KCNH1: variants seen among roughly 807,000 people sequenced by gnomAD.
KCNH1 encodes voltage-gated delayed rectifier potassium channel KCNH1.
A neutral mutation model predicts 69.2 loss-of-function variants in KCNH1; 27 were observed. The ratio of observed to expected loss-of-function variants is 0.39; its 90% confidence interval spans 0.29 to 0.54. KCNH1 has a LOEUF of 0.54. Ranked by LOEUF, KCNH1 falls within the 20% of genes least tolerant of loss-of-function variation. KCNH1 has a pLI of 0.68. For missense variants in KCNH1, 798 were observed against 1,261.6 expected, an observed-to-expected ratio of 0.63 and a Z score of 5.57; for synonymous variants, 456 against 487.7, an observed-to-expected ratio of 0.93 and a Z score of 0.86.
At chr1:210,840,884 A>T (rs532829189) in intron 7 of KCNH1, among the ~76,000 whole-genome samples, 1 of 152,328 alleles carries the variant, frequency 6.6e-6, no homozygotes, top group Non-Finnish European at 1.5e-5. Flanking sequence ...TATAGTTTAC[A>T]CTGTTGGTGA....
At chr1:210,892,282 C>T (rs964447089) in intron 7 of KCNH1, among the ~76,000 whole-genome samples, 1 of 151,904 alleles carries the variant, frequency 6.6e-6, no homozygotes, top group African/African-American at 2.4e-5. Flanking sequence ...GCCTGAAACT[C>T]ATTTCTAAAA....
At chr1:211,075,081 C>T (rs934668661) in intron 5 of KCNH1, among the ~76,000 whole-genome samples, 4 of 152,062 alleles carry the variant, frequency 2.6e-5, no homozygotes, top group Non-Finnish European at 5.9e-5. Context: ...CCAGTGTAGC[C>T]GAATAAGAGT....
intron 6 of KCNH1, among the ~76,000 whole-genome samples, chr1:210,940,870 G>A (rs766299658): frequency 2.6e-5 from 4 of 152,324 alleles, no homozygotes; most frequent in African/African-American, 7.2e-5. Flanking sequence ...ATTGAAGGAA[G>A]CAATACAATC....
intron 6 of KCNH1, among the ~76,000 whole-genome samples, chr1:211,010,174 T>C (rs531531482): frequency 1.3e-5 from 2 of 151,936 alleles, no homozygotes; most frequent in South Asian, 4.2e-4. Flanking sequence ...AGAGTCCAAG[T>C]GGAGAGGAGT....
At chr1:210,696,174 C>T (rs1376895201) in intron 10 of KCNH1, among the ~76,000 whole-genome samples, 1 of 152,208 alleles carries the variant, frequency 6.6e-6, no homozygotes, top group African/African-American at 2.4e-5. Context: ...GGAGTAGCTA[C>T]ACGTGCCTCT....
chr1:210,958,369 A>T (rs778835990), intron 6 of KCNH1, among the ~76,000 whole-genome samples: 3 of 152,116 alleles, frequency 2.0e-5, no homozygotes, highest in Non-Finnish European at 4.4e-5. Flanking sequence ...ACGTTGGTGA[A>T]TCTGACAATT....
chr1:210,999,203 C>CA (rs1159232109), intron 6 of KCNH1, among the ~76,000 whole-genome samples: 6 of 152,028 alleles, frequency 3.9e-5, no homozygotes, highest in East Asian at 1.9e-4. Flanking sequence ...AAAAACCCTT[C>CA]AAAAAATCAA....
intron 10 of KCNH1, among the ~76,000 whole-genome samples, chr1:210,697,636 T>G (rs1415820020): frequency 1.3e-5 from 2 of 152,276 alleles, no homozygotes; most frequent in African/African-American, 4.8e-5. Flanking sequence ...CCTGGCAGAC[T>G]GTACACTCAT....
intron 10 of KCNH1, among the ~76,000 whole-genome samples, chr1:210,760,900 G>A (rs925355752): frequency 1.3e-5 from 2 of 152,142 alleles, no homozygotes; most frequent in Admixed American, 6.5e-5. Context: ...GGGAATTCAC[G>A]ATGAGATTTG....
At chr1:210,840,644 G>A (rs914341996) in intron 7 of KCNH1, among the ~76,000 whole-genome samples, 12 of 152,168 alleles carry the variant, frequency 7.9e-5, no homozygotes, top group African/African-American at 1.4e-4. Flanking sequence ...TCTGCAAAGC[G>A]GGGTTGCAAA....
At chr1:211,116,304 A>T (rs1399009571) in intron 1 of KCNH1, among the ~76,000 whole-genome samples, 1 of 152,196 alleles carries the variant, frequency 6.6e-6, no homozygotes, top group African/African-American at 2.4e-5. Context: ...AACTACCACA[A>T]ACACCAAAGC....
intron 10 of KCNH1, among the ~76,000 whole-genome samples, chr1:210,691,158 G>C (rs77462898): frequency 0.33 from 50,125 of 152,134 alleles, 9,799 homozygotes; most frequent in South Asian, 0.51. Flanking sequence ...ACTCTTTGTG[G>C]GGGCTTGAGA....
chr1:210,991,511 G>T (rs922974898), intron 6 of KCNH1, among the ~76,000 whole-genome samples: 8 of 151,948 alleles, frequency 5.3e-5, no homozygotes, highest in African/African-American at 1.9e-4. Context: ...AGTTAGACAG[G>T]AGGAATAAGT....
At chr1:210,702,056 A>G (rs1681794826) in intron 10 of KCNH1, among the ~76,000 whole-genome samples, 2 of 152,308 alleles carry the variant, frequency 1.3e-5, no homozygotes, top group Admixed American at 6.5e-5. Flanking sequence ...AGAATTTTCA[A>G]TGTATTTGTT....
At position 210,842,433 on chromosome 1, in the gene KCNH1, G is replaced by C. The variant is rs576905770; in HGVS notation, c.1463-38267C>G. 2.0e-5 allele frequency among the ~76,000 whole-genome samples: 3 copies of C among 152,168 alleles called. No individual in the cohort carries two copies. In the South Asian group the frequency reaches 6.2e-4, roughly 32 times the overall value. ...AGAGACTGTGCTAACAAATGGACTA[G>C]ATAAAAAAATAACCATTATATGCTA... On this transcript the variant is annotated intron_variant, in intron 7 of 10. Transcript: ENST00000271751.
At chr1:211,060,419 A>G (rs913426045) in intron 5 of KCNH1, among the ~76,000 whole-genome samples, 4 of 148,766 alleles carry the variant, frequency 2.7e-5, no homozygotes, top group Admixed American at 1.3e-4. Context: ...AAAAAAAAAA[A>G]AAAAAAGAAA....
chr1:211,107,441 G>A (rs17017216), intron 1 of KCNH1, 64 bp from the exon 2 acceptor site: 36,749 of 1,496,784 alleles, frequency 0.025, 552 homozygotes, highest in Middle Eastern at 0.051. Context: ...GAGATTCAAT[G>A]AGGACATAAA....
intron 6 of KCNH1, among the ~76,000 whole-genome samples, chr1:210,982,687 G>A (rs1688737744): frequency 6.6e-6 from 1 of 152,132 alleles, no homozygotes; most frequent in Non-Finnish European, 1.5e-5. Flanking sequence ...CATTTGGGTT[G>A]GTTCCAAGTC....
chr1:210,806,761 G>T (rs1443307235), intron 7 of KCNH1, among the ~76,000 whole-genome samples: 13 of 141,574 alleles, frequency 9.2e-5, no homozygotes, highest in Non-Finnish European at 1.5e-5. Flanking sequence ...CCTGAGGTCA[G>T]GAGTTCGAGA....
Sources: allele counts gnomAD v4.1 joint callset (sites outside exome capture counted in the v4.1 genomes callset), GRCh38; gene constraint gnomAD v4.1.1; transcripts MANE v1.5; gene names NCBI Gene and HGNC (gene_info 2026-07-23, HGNC 2026-07-21).